Variants in GLI4 observed in about 807,000 individuals in gnomAD.
GLI4 encodes the protein zinc finger protein GLI4.
GLI4 carries 34 observed loss-of-function variants against 30.9 expected under a neutral mutation model. The observed-to-expected ratio is 1.10, with a 90% CI of 0.84 to 1.47. GLI4 has a LOEUF of 1.47. Among genes scored for constraint, GLI4 ranks in the 40% most tolerant of loss-of-function variants. The probability of loss-of-function intolerance (pLI) is 0.00; values close to 1 mark genes in which losing one functional copy is unlikely to be tolerated. For missense variants in GLI4, 696 were observed against 538.9 expected, an observed-to-expected ratio of 1.29 and a Z score of -2.89; for synonymous variants, 277 against 236.7, an observed-to-expected ratio of 1.17 and a Z score of -1.56.
rs1428154047 is a variant in GLI4 at position 143,276,901 on chromosome 8, G to T, written c.*97G>T. 5.2e-5 allele frequency: 40 copies of T among 766,102 alleles called. No individual in the cohort carries two copies. In the Admixed American group the frequency reaches 1.1e-3, roughly 22 times the overall value. The allele number at this position is 766,102 out of a possible 1,614,324, so 47.5% of individuals were successfully genotyped here. ...CACTGCCCAGCACCGCATGCCACGT[G>T]TCCGGAATAAATTCTTTTTGATTGT... On this transcript the variant is annotated 3_prime_UTR_variant, in exon 4 of 4. Coordinates refer to ENST00000340042, the MANE Select transcript of GLI4 (RefSeq NM_138465.4).
rs1815364294 is a variant in GLI4, at chr8:143,275,525, C to T, written c.224-372C>T. On this transcript the variant is annotated intron_variant, in intron 3 of 3. Transcript: ENST00000340042. ...TCCTCGGCAAGGGCTTTGAGGCGCC[C>T]TCTGGAGCTCTGGCGTCCCCCAGGC... 3.2e-6 allele frequency: 4 copies of T among 1,262,770 alleles called. No individual in the cohort carries two copies. In the East Asian group the frequency reaches 1.3e-4, roughly 41 times the overall value. The allele number at this position is 1,262,770 out of a possible 1,614,324, so 78.2% of individuals were successfully genotyped here. A position where few individuals can be genotyped will look rare whatever the true frequency, so the allele number is the denominator to read the frequency against.
In GLI4 at chr8:143,267,534, C is replaced by T. The variant is rs538199068; in HGVS notation, c.-38+50C>T. On this transcript the variant is annotated intron_variant, in intron 1 of 3. Coordinates refer to ENST00000340042, the MANE Select transcript of GLI4 (RefSeq NM_138465.4). ...CGGCTCCGGGTGCCTGGGACCAGCC[C>T]AGTCCGAGCTCGTGCGCCGTACTCC... The T allele has an allele frequency of 3.1e-4, 307 of 985,936 alleles. 1 individual carries two copies. The African/African-American group carries it at 5.2e-3, about 17-fold the overall frequency. 61.1% of individuals were successfully genotyped at this position (985,936 alleles called of 1,614,324 possible). A position where few individuals can be genotyped will look rare whatever the true frequency, so the allele number is the denominator to read the frequency against.
chr8:143,267,668 G>A (rs964630037), intron 1 of GLI4, 184 bp downstream of exon 1: 1 of 985,342 alleles, frequency 1.0e-6, no homozygotes, highest in Non-Finnish European at 1.2e-6. Flanking sequence ...GGGGGTCGCG[G>A]AGCAGCAGCG....
chr8:143,267,769 C>T (rs908626042), intron 1 of GLI4: 1 of 985,114 alleles, frequency 1.0e-6, no homozygotes, highest in Non-Finnish European at 1.2e-6. Flanking sequence ...GTCGTCATCG[C>T]CACTCTGCAG....
chr8:143,269,086 C>T lies in GLI4; in HGVS notation c.-37-274C>T, dbSNP rs192394954. ...CTCAAACTCCTGACCTCATGATCTA[C>T]CCACCTCGGCCTCACAAAGTGCTGG... On this transcript the variant is annotated intron_variant, in intron 1 of 3. Coordinates refer to ENST00000340042, the MANE Select transcript of GLI4 (RefSeq NM_138465.4). Among the ~76,000 whole-genome samples the T allele has an allele frequency of 2.0e-4, 30 of 152,320 alleles. No homozygotes were observed. In the East Asian group the frequency reaches 5.2e-3, roughly 26 times the overall value.
At chr8:143,269,256 A>C (rs1273278341) in intron 1 of GLI4, 104 bp from the exon 2 acceptor site, 1 of 831,502 alleles carries the variant, frequency 1.2e-6, no homozygotes, top group Admixed American at 2.2e-5. Context: ...GGAGTGGATA[A>C]ACCTCCATCT....
chr8:143,267,783 G>A (rs1321896544), intron 1 of GLI4: 1 of 985,264 alleles, frequency 1.0e-6, no homozygotes, highest in Admixed American at 6.1e-5. Context: ...TCTGCAGATG[G>A]GAAACTGAGG....
rs1209907848 is a variant in GLI4 at position 143,267,450 on chromosome 8, C to T, written c.-72C>T. 1.4e-5 allele frequency: 14 copies of T among 985,066 alleles called. No individual in the cohort carries two copies. The highest frequency in any genetic ancestry group is 1.7e-5 in the Non-Finnish European group (14 of 829,746). 61.0% of individuals were successfully genotyped at this position (985,066 alleles called of 1,614,324 possible). The stretch of plus-strand genomic sequence containing the variant: ...GGAGTGGGGCGGGGCCGGACACTTC[C>T]GTCCGGCGCGCGGCGTCCTCCTCCC... On this transcript the variant is annotated 5_prime_UTR_variant, in exon 1 of 4. Coordinates refer to ENST00000340042, the MANE Select transcript of GLI4 (RefSeq NM_138465.4).
intron 1 of GLI4, chr8:143,268,031 T>C (rs1815177197): frequency 2.0e-6 from 2 of 985,400 alleles, no homozygotes; most frequent in Non-Finnish European, 2.4e-6. Context: ...GATGGTCGCC[T>C]CTGCTCAGTC....
intron 1 of GLI4, among the ~76,000 whole-genome samples, chr8:143,269,050 G>C (rs1815207628): frequency 6.6e-6 from 1 of 152,134 alleles, no homozygotes; most frequent in African/African-American, 2.4e-5. Context: ...CACCATATTA[G>C]ACAGGCTGGT....
chr8:143,275,860 T>A (rs980993654), intron 3 of GLI4, 37 bp from the exon 4 acceptor site: 59 of 1,261,638 alleles, frequency 4.7e-5, no homozygotes, highest in Non-Finnish European at 5.8e-5. Flanking sequence ...GGTGGGGGCA[T>A]GCGGGTACTA....
rs1198643561 is a variant in GLI4, at chr8:143,274,748, C to T, written c.169C>T (p.Leu57=). The T allele has an allele frequency of 1.3e-6, 2 of 1,572,010 alleles. No individual in the cohort carries two copies. The highest frequency in any genetic ancestry group is 1.7e-6 in the Non-Finnish European group (2 of 1,156,920). Residue 57 remains leucine (L), a synonymous_variant, in exon 3 of 4, where the codon CTG becomes TTG. Transcript: ENST00000340042. ...SPKVLSQPSD[L]DLQDVEEVEI... Reference sequence around the variant, plus strand: ...TAAGGTGCTCTCCCAGCCGTCCGACCTGGATCTCCAAGACGTAGAGGAAGT... The same window carrying T: ...TAAGGTGCTCTCCCAGCCGTCCGACTTGGATCTCCAAGACGTAGAGGAAGT...
At chr8:143,270,475 G>A (rs1393094854) in intron 2 of GLI4, among the ~76,000 whole-genome samples, 2 of 152,222 alleles carry the variant, frequency 1.3e-5, no homozygotes, top group East Asian at 1.9e-4. Context: ...CAGGGACTGC[G>A]AGGAGGCTGG....
At position 143,267,746 on chromosome 8, in the gene GLI4, A is replaced by G. The variant is rs543361950; in HGVS notation, c.-38+262A>G. The G allele has an allele frequency of 1.8e-4, 174 of 985,252 alleles. No individual in the cohort carries two copies. In the African/African-American group the frequency reaches 2.9e-3, roughly 16 times the overall value. The allele number at this position is 985,252 out of a possible 1,614,324, so 61.0% of individuals were successfully genotyped here. On this transcript the variant is annotated intron_variant, in intron 1 of 3. Transcript: ENST00000340042. ...CGCAGGGCGCCTTTCCCAGGCACCC[A>G]GTGACGGCAGCTGTCGTCATCGCCA...
chr8:143,276,691 C>G lies in GLI4; in HGVS notation c.1018C>G (p.Arg340Gly), dbSNP rs1330308457. The change falls in exon 4 of 4, where the codon CGG becomes GGG. Residue 340 changes from arginine to glycine, a missense_variant. Arg to Gly is a moderately radical substitution (Grantham distance 125). Transcript: ENST00000340042. Reference sequence around the variant, plus strand: ...CTTCCGCGGCCGCTCGCACTTCTTCCGGCACCTGCGGACCCACACGGGCGA... The same window carrying G: ...CTTCCGCGGCCGCTCGCACTTCTTCGGGCACCTGCGGACCCACACGGGCGA... ...KAFRGRSHFFRHLRTHTGEKP... is the reference protein window; with the variant it reads ...KAFRGRSHFFGHLRTHTGEKP... 1.2e-6 allele frequency: 2 copies of G among 1,610,936 alleles called. No homozygotes were observed. Among genetic ancestry groups the G allele is most frequent in the African/African-American group, 2.7e-5 (2 of 74,826 alleles).
In GLI4 at chr8:143,276,249, C is replaced by G. The variant is rs761512231; in HGVS notation, c.576C>G (p.Phe192Leu). ...PHRCEACGKS[F>L]KYNSLLLKHQ... Reference sequence around the variant, plus strand: ...GGTGCGAGGCCTGCGGCAAGAGTTTCAAGTATAACTCGCTGCTCCTGAAGC... The same window carrying G: ...GGTGCGAGGCCTGCGGCAAGAGTTTGAAGTATAACTCGCTGCTCCTGAAGC... The change falls in exon 4 of 4, where the codon TTC becomes TTG. Residue 192 changes from phenylalanine to leucine, a missense_variant. Coordinates refer to ENST00000340042, the MANE Select transcript of GLI4 (RefSeq NM_138465.4). The G allele has an allele frequency of 2.5e-6, 4 of 1,610,198 alleles. No individual in the cohort carries two copies. The South Asian group carries it at 3.3e-5, about 13-fold the overall frequency.
rs1367242155 is a variant in GLI4, at chr8:143,276,657, C to T, written c.984C>T (p.Cys328=). 1.9e-6 allele frequency: 3 copies of T among 1,612,216 alleles called. No individual in the cohort carries two copies. Among genetic ancestry groups the T allele is most frequent in the African/African-American group, 1.3e-5 (1 of 74,942 alleles). Residue 328 remains cysteine (C), a synonymous_variant, in exon 4 of 4, where the codon TGC becomes TGT. Coordinates refer to ENST00000340042, the MANE Select transcript of GLI4 (RefSeq NM_138465.4). Reference sequence around the variant, plus strand: ...AGAAGCCCTACGAGTGCTCCGACTGCGGCAAAGCCTTCCGCGGCCGCTCGC... The same window carrying T: ...AGAAGCCCTACGAGTGCTCCGACTGTGGCAAAGCCTTCCGCGGCCGCTCGC... The part of the protein sequence containing the change: ...TGEKPYECSD[C]GKAFRGRSHF...
At position 143,276,609 on chromosome 8, in the gene GLI4, G is replaced by C. The variant is rs1166776447; in HGVS notation, c.936G>C (p.Glu312Asp). 1 of 1,612,650 alleles carries C rather than the reference G, an allele frequency of 6.2e-7. No homozygotes were observed. Among genetic ancestry groups the C allele is most frequent in the Non-Finnish European group, 8.5e-7 (1 of 1,179,718 alleles). ...TCATCTGGAGCTCCGTGCTCATCGA[G>C]CACCAGCGCATCCACACTGGCGAGA... Reference protein sequence around the residue: ...KAFIWSSVLIEHQRIHTGEKP... With the variant: ...KAFIWSSVLIDHQRIHTGEKP... The change falls in exon 4 of 4, where the codon GAG becomes GAC. Residue 312 changes from glutamate to aspartate, a missense_variant. Transcript: ENST00000340042.
chr8:143,269,293 C>T (rs1435455682), intron 1 of GLI4, 67 bp from the exon 2 acceptor site: 1 of 1,206,650 alleles, frequency 8.3e-7, no homozygotes, highest in South Asian at 1.4e-5. Context: ...CATGTTGCCT[C>T]CTCCTGCACC....
Sources: allele counts gnomAD v4.1 joint callset (sites outside exome capture counted in the v4.1 genomes callset), GRCh38; gene constraint gnomAD v4.1.1; transcripts MANE v1.5; gene names NCBI Gene and HGNC (gene_info 2026-07-23, HGNC 2026-07-21).